Variants in TMF1 observed in about 807,000 individuals in gnomAD.
TMF1 encodes TATA element modulatory factor 1, also known as TATA element modulatory factor.
TMF1 carries 71 observed loss-of-function variants against 126.5 expected under a neutral mutation model. The ratio of observed to expected loss-of-function variants is 0.56; its 90% CI spans 0.46 to 0.68. The LOEUF is 0.68. Ranked by LOEUF, TMF1 falls within the 30% of genes least tolerant of loss-of-function variation. The pLI, the probability that TMF1 is intolerant of heterozygous loss-of-function variation, is 0.00. For synonymous variants in TMF1, 461 were observed against 430.5 expected (o/e 1.07, Z -0.88); for missense variants, 1,259 against 1,253.2 (o/e 1.00, Z -0.07).
chr3:69,029,081 C>T (rs946034162), intron 11 of TMF1, among the ~76,000 whole-genome samples: 4 of 151,734 alleles, frequency 2.6e-5, no homozygotes, highest in African/African-American at 7.3e-5. Context: ...CTCTGCTGCC[C>T]GGGCTGGGGT....
chr3:69,048,748 C>T lies in TMF1; in HGVS notation c.143-186G>A, dbSNP rs377288950. ...GTTTCCAAGTTAATACAGGGACTTA[C>T]GGAAGAAAACTGGTGTGGGTCCACC... On this transcript the variant is annotated intron_variant, in intron 1 of 16. Transcript: ENST00000398559. The T allele has an allele frequency of 9.2e-4, 476 of 518,630 alleles. 4 individuals are homozygous for T. The highest frequency in any genetic ancestry group is 7.1e-3 in the African/African-American group (360 of 50,930). 32.1% of individuals were successfully genotyped at this position (518,630 alleles called of 1,614,324 possible).
chr3:69,039,118 A>G (rs913129599), intron 6 of TMF1, 109 bp from the exon 7 acceptor site: 7 of 984,708 alleles, frequency 7.1e-6, no homozygotes, highest in Non-Finnish European at 9.8e-6. Flanking sequence ...TTTTTTTGAG[A>G]CAAAGTCTCG....
rs1305274932 is a variant in TMF1 at position 69,020,794 on chromosome 3, GA to G, written c.*2382del. On this transcript the variant is annotated 3_prime_UTR_variant, in exon 17 of 17. Transcript: ENST00000398559. Reference sequence around the variant, plus strand: ...AGTAATATATGGTAATATGTAACTAGAAACTATGTAACTAGAAATTGTTAAT... The same window carrying G: ...AGTAATATATGGTAATATGTAACTAGAACTATGTAACTAGAAATTGTTAAT... 1 of 152,104 alleles carries G rather than the reference GA, an allele frequency of 6.6e-6. No individual in the cohort carries two copies. Among genetic ancestry groups the G allele is most frequent in the African/African-American group, 2.4e-5 (1 of 41,424 alleles). 9.4% of individuals were successfully genotyped at this position (152,104 alleles called of 1,614,324 possible).
chr3:69,033,841 T>A, intron 9 of TMF1, 137 bp from the exon 10 acceptor site: 2 of 846,910 alleles, frequency 2.4e-6, no homozygotes, highest in Non-Finnish European at 3.4e-6. Flanking sequence ...TTATTATTAT[T>A]AATTTTAGAA....
At position 69,028,001 on chromosome 3, in the gene TMF1, G is replaced by C. The variant is rs1395201727; in HGVS notation, c.2665-9C>G. ...TGACTATTCAACAATGTCTAATAGA[G>C]AGAAATAAAGTTAGACAATTTCTGT... On this transcript the variant is annotated splice_polypyrimidine_tract_variant and intron_variant, in intron 12 of 16. Transcript: ENST00000398559. The C allele has an allele frequency of 2.0e-6, 3 of 1,475,558 alleles. No individual in the cohort carries two copies. The highest frequency in any genetic ancestry group is 2.8e-6 in the Non-Finnish European group (3 of 1,063,476). 91.4% of individuals were successfully genotyped at this position (1,475,558 alleles called of 1,614,324 possible). A position where few individuals can be genotyped will look rare whatever the true frequency, so the allele number is the denominator to read the frequency against.
intron 8 of TMF1, among the ~76,000 whole-genome samples, chr3:69,037,689 C>T (rs2091840223): frequency 6.6e-6 from 1 of 152,034 alleles, no homozygotes; most frequent in Non-Finnish European, 1.5e-5. Context: ...GCCTGTAGTC[C>T]CAGCTACTCA....
At chr3:69,045,151 A>G (rs556730464) in intron 2 of TMF1, among the ~76,000 whole-genome samples, 1 of 152,240 alleles carries the variant, frequency 6.6e-6, no homozygotes, top group Non-Finnish European at 1.5e-5. Flanking sequence ...AAAATATGAC[A>G]TATTGCATTT....
intron 14 of TMF1, 114 bp from the exon 15 acceptor site, chr3:69,025,826 G>A: frequency 1.6e-6 from 2 of 1,268,196 alleles, no homozygotes; most frequent in Non-Finnish European, 2.2e-6. Context: ...CTTCTCAAAG[G>A]CAGAAAATCA....
chr3:69,044,647 A>ATTTTT, intron 2 of TMF1, 52 bp from the exon 3 acceptor site: 1 of 1,143,566 alleles, frequency 8.7e-7, no homozygotes, highest in Non-Finnish European at 1.3e-6. Flanking sequence ...AAAAAAGACC[A>ATTTTT]TTTTTACATG....
chr3:69,025,779 G>A (rs2279936), intron 14 of TMF1, 67 bp from the exon 15 acceptor site: 280,266 of 1,517,480 alleles, frequency 0.18, 27,084 homozygotes, highest in East Asian at 0.27. Context: ...TACCAGGTTC[G>A]AACAAAAATG....
chr3:69,039,352 G>A (rs928022701), intron 6 of TMF1, among the ~76,000 whole-genome samples, 199 bp downstream of exon 6: 3 of 152,084 alleles, frequency 2.0e-5, no homozygotes, highest in South Asian at 2.1e-4. Flanking sequence ...TCTGCCTGTC[G>A]CAGCCTCCGA....
rs767620523 is a variant in TMF1, at chr3:69,047,728, A to G, written c.977T>C (p.Ile326Thr). The change falls in exon 2 of 17, where the codon ATA (isoleucine) becomes ACA (threonine). Residue 326 changes from isoleucine (I) to threonine (T), a missense_variant. Physicochemically the swap from Ile to Thr is moderately conservative, Grantham distance 89. Coordinates refer to ENST00000398559, the MANE Select transcript of TMF1 (RefSeq NM_007114.3). ...SCCSSDAFER[I>T]DSFSVQSLDS... ...TAATGACTGTACACTAAATGAGTCT[A>G]TTCTTTCAAAAGCATCAGATGAACA... The G allele has an allele frequency of 6.2e-7, 1 of 1,614,100 alleles. No individual in the cohort carries two copies. Among genetic ancestry groups the G allele is most frequent in the Non-Finnish European group, 8.5e-7 (1 of 1,180,008 alleles).
Position 69,048,400 on chromosome 3 carries a change from G to C in TMF1, c.305C>G (p.Ser102Trp), listed in dbSNP as rs373570693. The change falls in exon 2 of 17, where the codon TCG becomes TGG. Residue 102 changes from serine (S) to tryptophan (W), a missense_variant. Transcript: ENST00000398559. The part of the protein sequence containing the change: ...ESENFFSAFL[S>W]PTDVQTIQKS... ...CTGAATGGTCTGGACATCAGTTGGC[G>C]AGAGAAAGGCACTGAAGAAATTTTC... 6.2e-7 allele frequency: 1 copy of C among 1,614,130 alleles called. No individual in the cohort carries two copies. The highest frequency in any genetic ancestry group is 1.6e-4 in the Middle Eastern group (1 of 6,062).
chr3:69,052,321 C>G lies in TMF1; in HGVS notation c.-235G>C, dbSNP rs2091936257. On this transcript the variant is annotated 5_prime_UTR_variant, in exon 1 of 17. Coordinates refer to ENST00000398559, the MANE Select transcript of TMF1 (RefSeq NM_007114.3). Reference sequence around the variant, plus strand: ...GCGCTTGCTTCTTCCACGTACACAGCAACCAAATCTACGAGCCCAGAGTTC... The same window carrying G: ...GCGCTTGCTTCTTCCACGTACACAGGAACCAAATCTACGAGCCCAGAGTTC... 2.7e-6 allele frequency: 1 copy of G among 368,798 alleles called. No homozygotes were observed. The highest frequency in any genetic ancestry group is 4.9e-6 in the Non-Finnish European group (1 of 202,372). 22.8% of individuals were successfully genotyped at this position (368,798 alleles called of 1,614,324 possible).
In TMF1 at chr3:69,043,806, C is replaced by A; in HGVS notation, c.1522G>T (p.Ala508Ser). ...AGTTGAACTTTCTTTTCTGCTTCTGCAATTCTTTGAGTAAACTCATCTTTC... is the reference window on the plus strand; with the variant it reads ...AGTTGAACTTTCTTTTCTGCTTCTGAAATTCTTTGAGTAAACTCATCTTTC... The part of the protein sequence containing the change: ...SLKDEFTQRI[A>S]EAEKKVQLAC... The change falls in exon 4 of 17, where the codon GCA becomes TCA. Residue 508 changes from alanine (A) to serine (S), a missense_variant. Physicochemically the swap from Ala to Ser is moderately conservative, Grantham distance 99. Transcript: ENST00000398559. 2 of 1,612,468 alleles carry A rather than the reference C, an allele frequency of 1.2e-6. No homozygotes were observed. The highest frequency in any genetic ancestry group is 1.7e-6 in the Non-Finnish European group (2 of 1,179,218).
chr3:69,025,705 G>C lies in TMF1; in HGVS notation c.2867C>G (p.Ser956Cys). 6.2e-7 allele frequency: 1 copy of C among 1,612,720 alleles called. No individual in the cohort carries two copies. The highest frequency in any genetic ancestry group is 1.3e-5 in the African/African-American group (1 of 74,972). The change falls in exon 15 of 17, where the codon TCT becomes TGT. Residue 956 changes from serine (S) to cysteine (C), a missense_variant. Ser to Cys is a moderately radical substitution (Grantham distance 112). Transcript: ENST00000398559. Reference protein sequence around the residue: ...LQTSFLSQDESHDHSFGPMPI... With the variant: ...LQTSFLSQDECHDHSFGPMPI... ...CATTGGTCCAAATGAGTGATCATGA[G>C]ACTCATCCTATGTTAATTAAGAAAG...
At chr3:69,032,800 G>T (rs956982321) in intron 10 of TMF1, among the ~76,000 whole-genome samples, 1 of 151,854 alleles carries the variant, frequency 6.6e-6, no homozygotes, top group African/African-American at 2.4e-5. Context: ...GGTAGAGACG[G>T]GGGTCTCATC....
chr3:69,049,752 A>C (rs1242708285), intron 1 of TMF1, among the ~76,000 whole-genome samples: 1 of 152,326 alleles, frequency 6.6e-6, no homozygotes, highest in East Asian at 1.9e-4. Context: ...TACTACTAAA[A>C]TCCTGATTTT....
At chr3:69,049,572 A>C (rs1383851319) in intron 1 of TMF1, among the ~76,000 whole-genome samples, 2 of 152,216 alleles carry the variant, frequency 1.3e-5, no homozygotes, top group Admixed American at 6.5e-5. Context: ...ATTCTAAATT[A>C]TGTCAGAAAT....
Sources: allele counts gnomAD v4.1 joint callset (sites outside exome capture counted in the v4.1 genomes callset), GRCh38; gene constraint gnomAD v4.1.1; transcripts MANE v1.5; gene names NCBI Gene and HGNC (gene_info 2026-07-23, HGNC 2026-07-21).